The following ANO3 variants were observed in gnomAD, a reference collection of about 807,000 sequenced individuals.
ANO3 encodes the protein anoctamin 3.
In ANO3, 99 loss-of-function variants were observed where a neutral mutation model predicts 144.8. The ratio of observed to expected loss-of-function variants is 0.68; its 90% CI spans 0.58 to 0.81. The LOEUF is 0.81. Among genes scored for constraint, ANO3 ranks in the 30% least tolerant of loss-of-function variants. The probability of loss-of-function intolerance (pLI) is 0.00; values close to 1 mark genes in which losing one functional copy is unlikely to be tolerated. For synonymous variants in ANO3, 414 were observed against 392.6 expected (o/e 1.05, Z -0.64); for missense variants, 905 against 1,202.2 (o/e 0.75, Z 3.66).
chr11:26,227,330 T>A (rs2133798511), intron 1 of ANO3, among the ~76,000 whole-genome samples: 1 of 152,334 alleles, frequency 6.6e-6, no homozygotes, highest in African/African-American at 2.4e-5. Context: ...ACTCTGATGA[T>A]TTGCATCAGA....
chr11:26,201,281 G>A (rs74936092), intron 1 of ANO3, among the ~76,000 whole-genome samples: 2,127 of 152,114 alleles, frequency 0.014, 20 homozygotes, highest in South Asian at 0.017. Flanking sequence ...CCATATTATG[G>A]GTTTCGTTCA....
chr11:26,364,886 G>T (rs187154269), intron 1 of ANO3, among the ~76,000 whole-genome samples: 2 of 152,146 alleles, frequency 1.3e-5, no homozygotes, highest in African/African-American at 4.8e-5. Flanking sequence ...CTCCCATTGC[G>T]AAATACAATC....
chr11:26,411,658 C>G (rs1857436314), intron 1 of ANO3, among the ~76,000 whole-genome samples: 1 of 151,924 alleles, frequency 6.6e-6, no homozygotes, highest in African/African-American at 2.4e-5. Flanking sequence ...TTATCTGATA[C>G]TGCGATACTC....
intron 14 of ANO3, among the ~76,000 whole-genome samples, chr11:26,584,898 AG>A (rs1194242764): frequency 6.6e-6 from 1 of 152,212 alleles, no homozygotes; most frequent in East Asian, 1.9e-4. Flanking sequence ...AATTTTTTTA[AG>A]TTGAGAAGAG....
At chr11:26,219,492 A>G (rs1399253842) in intron 1 of ANO3, among the ~76,000 whole-genome samples, 1 of 152,162 alleles carries the variant, frequency 6.6e-6, no homozygotes, top group Non-Finnish European at 1.5e-5. Context: ...TCTTTCCCTT[A>G]GGATCTCCCT....
At chr11:26,443,102 T>C (rs1858580303) in intron 2 of ANO3, among the ~76,000 whole-genome samples, 2 of 152,186 alleles carry the variant, frequency 1.3e-5, no homozygotes, top group African/African-American at 4.8e-5. Flanking sequence ...CTTTTTCTTA[T>C]AAGAATGCAG....
intron 1 of ANO3, among the ~76,000 whole-genome samples, chr11:26,412,681 G>T (rs1015331293): frequency 2.0e-5 from 3 of 151,840 alleles, no homozygotes; most frequent in African/African-American, 7.3e-5. Flanking sequence ...CAGTGGTAAA[G>T]ATACAGCTTA....
chr11:26,220,502 G>A (rs1297751430), intron 1 of ANO3, among the ~76,000 whole-genome samples: 1 of 147,224 alleles, frequency 6.8e-6, no homozygotes, highest in African/African-American at 2.4e-5. Flanking sequence ...TGGAGATGTT[G>A]GCAGTCATTC....
intron 1 of ANO3, among the ~76,000 whole-genome samples, chr11:26,274,207 A>T (rs1430533505): frequency 6.6e-6 from 1 of 152,196 alleles, no homozygotes; most frequent in African/African-American, 2.4e-5. Context: ...ACAATATACA[A>T]ATATAAAACA....
At chr11:26,359,892 T>TGTG (rs984525513) in intron 1 of ANO3, among the ~76,000 whole-genome samples, 4 of 151,826 alleles carry the variant, frequency 2.6e-5, no homozygotes. Context: ...TGTGTGTGTG[T>TGTG]GTGTGTGTAA....
At position 26,490,606 on chromosome 11, in the gene ANO3, A is replaced by C. The variant is rs1345557088; in HGVS notation, c.433-17498A>C. 2.0e-5 allele frequency among the ~76,000 whole-genome samples: 3 copies of C among 152,236 alleles called. No individual in the cohort carries two copies. The East Asian group carries it at 5.8e-4, about 29-fold the overall frequency. ...AGATATTCCACGTATCTGAAATAAT[A>C]AAACAGTATAACGTCACAGAGAAAT... On this transcript the variant is annotated intron_variant, in intron 4 of 26. Coordinates refer to ENST00000256737, the MANE Select transcript of ANO3 (RefSeq NM_031418.4).
intron 1 of ANO3, among the ~76,000 whole-genome samples, chr11:26,279,715 T>C (rs757688173): frequency 3.2e-4 from 48 of 152,080 alleles, no homozygotes; most frequent in Non-Finnish European, 5.7e-4. Context: ...ACTGGATAAA[T>C]AGTGACAACT....
At chr11:26,197,235 A>G (rs1851605961) in intron 1 of ANO3, among the ~76,000 whole-genome samples, 1 of 151,190 alleles carries the variant, frequency 6.6e-6, no homozygotes, top group Admixed American at 6.6e-5. Flanking sequence ...GGTTACAAAG[A>G]AGGAGAAGGC....
chr11:26,327,130 A>G (rs1854905537), upstream of ANO3, among the ~76,000 whole-genome samples: 1 of 152,212 alleles, frequency 6.6e-6, no homozygotes, highest in South Asian at 2.1e-4. Context: ...CACAAATAAT[A>G]AAGAGTAGTT....
intron 11 of ANO3, among the ~76,000 whole-genome samples, chr11:26,544,251 C>CACATATATATATATATATACAT (rs1183023481): frequency 2.6e-5 from 1 of 38,482 alleles, no homozygotes; most frequent in African/African-American, 6.7e-5. Context: ...TTTCATTATA[C>CACATATATATATATATATACAT]ATATATATAT....
At chr11:26,546,646 G>A (rs561688183) in intron 11 of ANO3, among the ~76,000 whole-genome samples, 58 of 152,076 alleles carry the variant, frequency 3.8e-4, no homozygotes, top group African/African-American at 1.4e-3. Context: ...GGTGAAGAAA[G>A]CGCAACTGAG....
At chr11:26,539,576 G>T (rs954364767) in intron 10 of ANO3, among the ~76,000 whole-genome samples, 7 of 152,070 alleles carry the variant, frequency 4.6e-5, no homozygotes, top group Non-Finnish European at 7.4e-5. Flanking sequence ...CCTAATAAAT[G>T]TATCTATTTC....
chr11:26,227,647 G>A (rs1339964495), intron 1 of ANO3, among the ~76,000 whole-genome samples: 1 of 152,034 alleles, frequency 6.6e-6, no homozygotes, highest in African/African-American at 2.4e-5. Context: ...CTACATAATC[G>A]AGAGTGACAG....
intron 22 of ANO3, among the ~76,000 whole-genome samples, chr11:26,642,900 C>G (rs1287745469): frequency 6.6e-6 from 1 of 151,904 alleles, no homozygotes; most frequent in African/African-American, 2.4e-5. Flanking sequence ...TCTATTTCTT[C>G]TTTTTCTCTC....
Sources: allele counts gnomAD v4.1 joint callset (sites outside exome capture counted in the v4.1 genomes callset), GRCh38; gene constraint gnomAD v4.1.1; transcripts MANE v1.5; gene names NCBI Gene and HGNC (gene_info 2026-07-23, HGNC 2026-07-21).